KLHL29: variants seen among roughly 807,000 people sequenced by gnomAD.
KLHL29 encodes the protein kelch like family member 29, also known as kelch-like protein 29.
Under a neutral mutation model 80.4 loss-of-function variants are expected in KLHL29, and 21 were observed. The ratio of observed to expected loss-of-function variants is 0.26; its 90% confidence interval spans 0.19 to 0.38. The LOEUF is 0.38. Among genes scored for constraint, KLHL29 ranks in the 10% least tolerant of loss-of-function variants. The probability of loss-of-function intolerance (pLI) is 1.00; values close to 1 mark genes in which losing one functional copy is unlikely to be tolerated. For synonymous variants in KLHL29, 511 were observed against 526.8 expected, an observed-to-expected ratio of 0.97 and a Z score of 0.41; for missense variants, 867 against 1,223.9, an observed-to-expected ratio of 0.71 and a Z score of 4.35.
chr2:23,641,243 A>G (rs550117550), intron 4 of KLHL29, among the ~76,000 whole-genome samples: 21 of 152,198 alleles, frequency 1.4e-4, no homozygotes, highest in African/African-American at 4.1e-4. Flanking sequence ...GGCTCTCAAG[A>G]GATGTATCTG....
rs1288198338 is a variant in KLHL29 at position 23,703,224 on chromosome 2, C to G, written c.2144C>G (p.Pro715Arg). 3 of 1,482,370 alleles carry G rather than the reference C, an allele frequency of 2.0e-6. No homozygotes were observed. Among genetic ancestry groups the G allele is most frequent in the Non-Finnish European group, 2.7e-6 (3 of 1,113,552 alleles). The allele number at this position is 1,482,370 out of a possible 1,614,324, so 91.8% of individuals were successfully genotyped here. The change falls in exon 12 of 14, where the codon CCT (proline) becomes CGT (arginine). Residue 715 changes from proline (P) to arginine (R), a missense_variant. Coordinates refer to ENST00000486442, the MANE Select transcript of KLHL29 (RefSeq NM_052920.2). ...ACCAACCAATGGGAGGCGGTGGCCC[C>G]TCTGCCCAAGGCAGTACACTCTGCT... Reference protein sequence around the residue: ...TITNQWEAVAPLPKAVHSAAA... With the variant: ...TITNQWEAVARLPKAVHSAAA...
intron 2 of KLHL29, among the ~76,000 whole-genome samples, chr2:23,499,910 A>G (rs1463389249): frequency 6.6e-6 from 1 of 152,256 alleles, no homozygotes; most frequent in African/African-American, 2.4e-5. Flanking sequence ...ACAGAGGAGT[A>G]GGAGGTGTTG....
chr2:23,448,676 CCTT>C, intron 1 of KLHL29, among the ~76,000 whole-genome samples: 1 of 152,174 alleles, frequency 6.6e-6, no homozygotes, highest in Admixed American at 6.5e-5. Context: ...CACTCAACCA[CCTT>C]CTGGGGACCA....
In KLHL29 at chr2:23,681,225, C is replaced by T. The variant is rs997490276; in HGVS notation, c.941-3174C>T. 5.3e-5 allele frequency among the ~76,000 whole-genome samples: 8 copies of T among 152,248 alleles called. No homozygotes were observed. Among genetic ancestry groups the T allele is most frequent in the African/African-American group, 1.9e-4 (8 of 41,470 alleles). On this transcript the variant is annotated intron_variant, in intron 5 of 13. Coordinates refer to ENST00000486442, the MANE Select transcript of KLHL29 (RefSeq NM_052920.2). The surrounding 1 kb of genome is among the most constrained non-coding windows in gnomAD (Gnocchi z 4.2). ...AATGCACTTGGGGCCTGCTGGGAAT[C>T]CCCTGGTGAGCACTTTCATAAATTG...
At chr2:23,590,283 G>GT (rs35183081) in intron 3 of KLHL29, among the ~76,000 whole-genome samples, 90,596 of 152,058 alleles carry the variant, frequency 0.6, 28,824 homozygotes, top group East Asian at 0.77. Flanking sequence ...ACATTCTGAA[G>GT]TTTTTTTGCC....
Position 23,605,290 on chromosome 2 carries a change from G to A in KLHL29, c.286-33849G>A, listed in dbSNP as rs112644890. On this transcript the variant is annotated intron_variant, in intron 3 of 13. Coordinates refer to ENST00000486442, the MANE Select transcript of KLHL29 (RefSeq NM_052920.2). ...TTTTTTAATTTTTTGAAGAGACGAG[G>A]TCTCACTATACTGCCCAGGCTGGTC... Among the ~76,000 whole-genome samples the A allele has an allele frequency of 4.6e-3, 697 of 151,896 alleles. 6 individuals carry two copies. Among genetic ancestry groups the A allele is most frequent in the African/African-American group, 0.016 (666 of 41,418 alleles).
At chr2:23,605,523 G>T (rs748136476) in intron 3 of KLHL29, among the ~76,000 whole-genome samples, 2 of 152,146 alleles carry the variant, frequency 1.3e-5, no homozygotes, top group African/African-American at 2.4e-5. Flanking sequence ...CGCATGGTGA[G>T]GGACCGTAAG....
At chr2:23,578,507 G>T (rs1667897203) in intron 3 of KLHL29, among the ~76,000 whole-genome samples, 1 of 152,192 alleles carries the variant, frequency 6.6e-6, no homozygotes, top group Non-Finnish European at 1.5e-5. Flanking sequence ...GGCATCCAGA[G>T]CAGACTCTGT....
rs544680065 is a variant in KLHL29, at chr2:23,582,798, C to T, written c.285+20317C>T. Among the ~76,000 whole-genome samples the T allele has an allele frequency of 2.0e-3, 303 of 152,254 alleles. 1 individual carries two copies. The highest frequency in any genetic ancestry group is 3.6e-3 in the Non-Finnish European group (242 of 68,018). ...AGAAAGCAGAATTTTACTTTCAGGG[C>T]ACTCCCCATGTAGTAGGTTAAATAG... On this transcript the variant is annotated intron_variant, in intron 3 of 13. Transcript: ENST00000486442.
At chr2:23,505,788 A>G (rs1270688095) in intron 2 of KLHL29, among the ~76,000 whole-genome samples, 3 of 152,156 alleles carry the variant, frequency 2.0e-5, no homozygotes, top group Non-Finnish European at 4.4e-5. Flanking sequence ...GAGGCCAGAG[A>G]ATGGTGGGGA....
At chr2:23,526,311 G>A (rs893980866) in intron 2 of KLHL29, among the ~76,000 whole-genome samples, 3 of 152,160 alleles carry the variant, frequency 2.0e-5, no homozygotes, top group Non-Finnish European at 4.4e-5. Flanking sequence ...CAGAGCTGTG[G>A]TCAGGGCATG....
chr2:23,549,385 A>G (rs1311580214), intron 2 of KLHL29, among the ~76,000 whole-genome samples: 1 of 152,228 alleles, frequency 6.6e-6, no homozygotes, highest in Non-Finnish European at 1.5e-5. Flanking sequence ...TTGTCAACAG[A>G]GGCTGCCTCG....
intron 2 of KLHL29, among the ~76,000 whole-genome samples, chr2:23,493,285 G>A (rs9808020): frequency 0.22 from 32,919 of 152,046 alleles, 3,769 homozygotes; most frequent in African/African-American, 0.26. Context: ...TGGCCAGGCA[G>A]GCCAGGATGT....
rs1339049622 is a variant in KLHL29, at chr2:23,700,059, C to T, written c.2106-3127C>T. 1.3e-5 allele frequency among the ~76,000 whole-genome samples: 2 copies of T among 152,214 alleles called. No homozygotes were observed. Among genetic ancestry groups the T allele is most frequent in the Non-Finnish European group, 2.9e-5 (2 of 68,044 alleles). ...CTCTCTCCTGTGCAAATGGACTCCA[C>T]GTTCCCTCTGCACTTTGGATTCCAT... On this transcript the variant is annotated intron_variant, in intron 11 of 13. Coordinates refer to ENST00000486442, the MANE Select transcript of KLHL29 (RefSeq NM_052920.2). This position sits in a 1 kb window ranked among gnomAD's most constrained non-coding sequence, Gnocchi z 4.6.
rs1483688653 is a variant in KLHL29, at chr2:23,562,430, C to T, written c.234C>T (p.Ser78=). Residue 78 remains serine (S), a synonymous_variant, in exon 3 of 14, where the codon AGC becomes AGT. Coordinates refer to ENST00000486442, the MANE Select transcript of KLHL29 (RefSeq NM_052920.2). This position sits in a 1 kb window ranked among gnomAD's most constrained non-coding sequence, Gnocchi z 4.5. ...CTGCTCCCTGCACCACCGGCAGCAGCGAGGCCATCACCAGCCTCGTGGCCA... is the reference window on the plus strand; with the variant it reads ...CTGCTCCCTGCACCACCGGCAGCAGTGAGGCCATCACCAGCCTCGTGGCCA... The part of the protein sequence containing the change: ...TAPAPCTTGS[S]EAITSLVASS... 35 of 1,537,246 alleles carry T rather than the reference C, an allele frequency of 2.3e-5. No individual in the cohort carries two copies. The highest frequency in any genetic ancestry group is 2.7e-5 in the Non-Finnish European group (31 of 1,146,780).
At chr2:23,691,494 G>A (rs1671598700) in intron 6 of KLHL29, 180 bp from the exon 7 acceptor site, 2 of 606,956 alleles carry the variant, frequency 3.3e-6, no homozygotes, top group Non-Finnish European at 5.9e-6. Context: ...GGCGTCTCTG[G>A]TCAGACTCTT....
chr2:23,597,355 G>GTA (rs1668441015), intron 3 of KLHL29, among the ~76,000 whole-genome samples: 1 of 119,640 alleles, frequency 8.4e-6, no homozygotes, highest in African/African-American at 3.3e-5. Flanking sequence ...GTATGTATAT[G>GTA]TGTATGTATA....
intron 2 of KLHL29, among the ~76,000 whole-genome samples, chr2:23,510,631 G>A (rs930854989): frequency 2.0e-5 from 3 of 152,236 alleles, no homozygotes; most frequent in Non-Finnish European, 4.4e-5. Flanking sequence ...CTGGGAGGGA[G>A]GGAGCAGGAG....
intron 2 of KLHL29, among the ~76,000 whole-genome samples, chr2:23,512,556 A>G (rs1415548429): frequency 1.3e-5 from 2 of 152,266 alleles, no homozygotes; most frequent in Non-Finnish European, 2.9e-5. Flanking sequence ...TAAGTATGCA[A>G]TAAATGTTAG....
Sources: gnomAD v4.1 joint callset for allele counts (sites outside exome capture counted in the v4.1 genomes callset) on GRCh38, gnomAD v4.1.1 for gene constraint, Gnocchi (gnomAD v3.1) non-coding constraint, MANE v1.5 for transcripts, NCBI Gene and HGNC (gene_info 2026-07-23, HGNC 2026-07-21) for gene names.